The following SASH1 variants were observed in gnomAD, a reference collection of about 807,000 sequenced individuals.
SASH1 encodes SAM and SH3 domain containing 1.
A neutral mutation model predicts 125.2 loss-of-function variants in SASH1; 44 were observed. The ratio of observed to expected loss-of-function variants is 0.35; its 90% confidence interval spans 0.28 to 0.45. The LOEUF (loss-of-function observed/expected upper bound fraction) is 0.45, where lower values mean the gene tolerates loss of function less well. Among genes scored for constraint, SASH1 ranks in the 20% least tolerant of loss-of-function variants. The pLI, the probability that SASH1 is intolerant of heterozygous loss-of-function variation, is 1.00. For missense variants in SASH1, 1,426 were observed against 1,614.5 expected (o/e 0.88, Z 2.00); for synonymous variants, 639 against 649.1 (o/e 0.98, Z 0.24).
At chr6:148,257,564 C>T in the SASH1 span, among the ~76,000 whole-genome samples, 1 of 151,262 alleles carries the variant, frequency 6.6e-6, no homozygotes, top group African/African-American at 2.4e-5. Context: ...TCTGGGTTTT[C>T]AAAGCATAAG....
intron 1 of SASH1, among the ~76,000 whole-genome samples, chr6:148,322,934 T>TTCCTCTCTTTTCTTTTCCTTCCTTC (rs796180697): frequency 7.7e-6 from 1 of 129,406 alleles, no homozygotes; most frequent in African/African-American, 2.9e-5. Context: ...TCTCTCTTTC[T>TTCCTCTCTTTTCTTTTCCTTCCTTC]TTTCCTTCCT....
intron 2 of SASH1, among the ~76,000 whole-genome samples, chr6:148,439,516 T>C (rs1776453702): frequency 6.6e-6 from 1 of 152,188 alleles, no homozygotes; most frequent in African/African-American, 2.4e-5. Flanking sequence ...CGGTGGCTCA[T>C]GCCTGTAATC....
intron 1 of SASH1, among the ~76,000 whole-genome samples, chr6:148,368,056 C>T (rs1460447793): frequency 6.6e-6 from 1 of 152,232 alleles, no homozygotes. Context: ...GTAGGCATCT[C>T]AGGAGTACTG....
chr6:148,411,793 C>T (rs1418940888), intron 2 of SASH1, among the ~76,000 whole-genome samples: 1 of 152,224 alleles, frequency 6.6e-6, no homozygotes, highest in Non-Finnish European at 1.5e-5. Flanking sequence ...ATCTGCCTGC[C>T]TCGGCCTCCC....
intron 1 of SASH1, among the ~76,000 whole-genome samples, chr6:148,361,086 C>A (rs1177848055): frequency 6.6e-6 from 1 of 152,132 alleles, no homozygotes; most frequent in Non-Finnish European, 1.5e-5. Context: ...CAGTGATGCA[C>A]CTGCAGGCTA....
rs1050683586 is a variant in SASH1 at position 148,342,841 on chromosome 6, A to T, written c.-227A>T. ...CTGTTGCTGCGCCGAGCGGGGTGGG[A>T]AAGTTTCTGGAGTTGTCAGTCGCGC... On this transcript the variant is annotated 5_prime_UTR_variant, in exon 1 of 20. Transcript: ENST00000367467. 4.7e-5 allele frequency: 8 copies of T among 170,274 alleles called. No individual in the cohort carries two copies. The highest frequency in any genetic ancestry group is 7.1e-5 in the Non-Finnish European group (6 of 84,760). The allele number at this position is 170,274 out of a possible 1,614,324, so 10.5% of individuals were successfully genotyped here.
intron 2 of SASH1, among the ~76,000 whole-genome samples, chr6:148,391,856 A>C (rs1460491361): frequency 6.6e-6 from 1 of 152,188 alleles, no homozygotes; most frequent in Non-Finnish European, 1.5e-5. Context: ...CCTCCTCAAG[A>C]AGTGGGGTTG....
At chr6:148,342,300 C>A (rs1781350078), upstream of SASH1, among the ~76,000 whole-genome samples, 1 of 152,192 alleles carries the variant, frequency 6.6e-6, no homozygotes. Flanking sequence ...CGCTTGACTT[C>A]ACGAGGGGCG....
chr6:148,493,554 C>G (rs1779196706), intron 8 of SASH1, among the ~76,000 whole-genome samples: 1 of 152,222 alleles, frequency 6.6e-6, no homozygotes, highest in Non-Finnish European at 1.5e-5. Context: ...TTAGGGATCA[C>G]AAGGCCTTTG....
chr6:148,543,653 A>G (rs371264397), intron 17 of SASH1, 27 bp from the exon 18 acceptor site: 151 of 1,511,474 alleles, frequency 1.0e-4, no homozygotes, highest in Non-Finnish European at 1.3e-4. Context: ...TTAAAATGTG[A>G]TTGTAAAATA....
At chr6:148,301,776 G>A (rs967895596) in intron 1 of SASH1, among the ~76,000 whole-genome samples, 6 of 70,382 alleles carry the variant, frequency 8.5e-5, no homozygotes, top group Non-Finnish European at 1.2e-4. Context: ...TGCAGTTTTT[G>A]TAGAGATGGG....
intron 8 of SASH1, among the ~76,000 whole-genome samples, chr6:148,496,690 A>G (rs1779324343): frequency 6.6e-6 from 1 of 152,042 alleles, no homozygotes; most frequent in Admixed American, 6.6e-5. Flanking sequence ...CCAGAAGTTC[A>G]AGACCAGCAT....
rs1400192051 is a variant in SASH1 at position 148,343,285 on chromosome 6, G to A, written c.156+62G>A. 2.4e-5 allele frequency: 35 copies of A among 1,482,894 alleles called. No individual in the cohort carries two copies. The South Asian group carries it at 3.8e-4, about 16-fold the overall frequency. 91.9% of individuals were successfully genotyped at this position (1,482,894 alleles called of 1,614,324 possible). A position where few individuals can be genotyped will look rare whatever the true frequency, so the allele number is the denominator to read the frequency against. On this transcript the variant is annotated intron_variant, in intron 1 of 19. Transcript: ENST00000367467. Reference sequence around the variant, plus strand: ...AGTTCGCAGCAGCCCCTCTGAAACCGGGGGCTCCCTTCTCGCCCACCCACT... The same window carrying A: ...AGTTCGCAGCAGCCCCTCTGAAACCAGGGGCTCCCTTCTCGCCCACCCACT...
chr6:148,519,655 C>G lies in SASH1; in HGVS notation c.971C>G (p.Pro324Arg). The change falls in exon 10 of 20, where the codon CCT becomes CGT. Residue 324 changes from proline to arginine, a missense_variant. Pro to Arg is a moderately radical substitution (Grantham distance 103). Around this residue, in one of 3 missense-constraint regions of SASH1, gnomAD observed 567 missense variants for 575.6 expected, o/e 0.99. Coordinates refer to ENST00000367467, the MANE Select transcript of SASH1 (RefSeq NM_015278.5). This position sits in a 1 kb window ranked among gnomAD's most constrained non-coding sequence, Gnocchi z 4.8. ...TTCTTTGATGGCTCTCCTGAGAAAC[C>G]TCCCGAAGATGACTCAGACTCTCTC... ...PLFFDGSPEK[P>R]PEDDSDSLTT... 6.2e-7 allele frequency: 1 copy of G among 1,614,130 alleles called. No homozygotes were observed. The highest frequency in any genetic ancestry group is 8.5e-7 in the Non-Finnish European group (1 of 1,180,032).
chr6:148,212,724 GTCATGCACTCACT>G, the SASH1 span, among the ~76,000 whole-genome samples: 1 of 152,230 alleles, frequency 6.6e-6, no homozygotes, highest in Non-Finnish European at 1.5e-5. Context: ...GGGACTGTGT[GTCATGCACTCACT>G]TCCTCATTAT....
chr6:148,531,640 C>G lies in SASH1; in HGVS notation c.1543C>G (p.Leu515Val), dbSNP rs762295469. The G allele has an allele frequency of 6.4e-7, 1 of 1,553,472 alleles. No homozygotes were observed. Residue 515 changes from leucine (L) to valine (V), a missense_variant, in exon 13 of 20, where the codon CTC (leucine) becomes GTC (valine). Physicochemically the swap from Leu to Val is conservative, Grantham distance 32. This residue lies in a region of SASH1 where 225 missense variants were observed against 344.5 expected (regional missense o/e 0.65). Coordinates refer to ENST00000367467, the MANE Select transcript of SASH1 (RefSeq NM_015278.5). ...TTCTGTAGAAAGTCTTCGCAGTTCT[C>G]TCAGTGGGCAGAGCTCCATGAGTAA... ...GGSVESLRSS[L>V]SGQSSMSGQT...
At chr6:148,458,821 G>T (rs2115069367) in intron 4 of SASH1, among the ~76,000 whole-genome samples, 1 of 152,146 alleles carries the variant, frequency 6.6e-6, no homozygotes, top group Non-Finnish European at 1.5e-5. Flanking sequence ...CAAAAGATTA[G>T]TCGGGCATGA....
At position 148,362,128 on chromosome 6, in the gene SASH1, C is replaced by A. The variant is rs7769445; in HGVS notation, c.156+18905C>A. Among the ~76,000 whole-genome samples the A allele has an allele frequency of 5.3e-4, 80 of 150,984 alleles. 1 individual carries two copies. The highest frequency in any genetic ancestry group is 9.6e-4 in the Non-Finnish European group (65 of 67,784). ...ATTTTTAGTAGAGACGGGGTTTCTCCGTGTTAGCCAGGATGGTCTCGATAT... is the reference window on the plus strand; with the variant it reads ...ATTTTTAGTAGAGACGGGGTTTCTCAGTGTTAGCCAGGATGGTCTCGATAT... On this transcript the variant is annotated intron_variant, in intron 1 of 19. Coordinates refer to ENST00000367467, the MANE Select transcript of SASH1 (RefSeq NM_015278.5).
At chr6:148,340,682 G>A (rs1781294418), upstream of SASH1, among the ~76,000 whole-genome samples, 1 of 152,086 alleles carries the variant, frequency 6.6e-6, no homozygotes, top group South Asian at 2.1e-4. Flanking sequence ...AGAGCACGAG[G>A]GAGCCTTGAA....
Sources: allele counts gnomAD v4.1 joint callset (sites outside exome capture counted in the v4.1 genomes callset), GRCh38; gene constraint gnomAD v4.1.1; regional missense constraint gnomAD v4.1.1; non-coding constraint Gnocchi (gnomAD v3.1); transcripts MANE v1.5; gene names NCBI Gene and HGNC (gene_info 2026-07-23, HGNC 2026-07-21).